Variants in DCP1A observed in about 807,000 individuals in gnomAD.
DCP1A encodes the protein decapping mRNA 1A, also known as mRNA-decapping enzyme 1A.
In DCP1A, 20 loss-of-function variants were observed where a neutral mutation model predicts 58.0. That is an observed-to-expected ratio of 0.34 (90% CI 0.24 to 0.50). DCP1A has a LOEUF of 0.50. Among genes scored for constraint, DCP1A ranks in the 20% least tolerant of loss-of-function variants. The probability of loss-of-function intolerance (pLI) is 0.98; values close to 1 mark genes in which losing one functional copy is unlikely to be tolerated. For synonymous variants in DCP1A, 285 were observed against 275.1 expected (o/e 1.04, Z -0.36); for missense variants, 613 against 712.2 (o/e 0.86, Z 1.59).
rs186062414 is a variant in DCP1A, at chr3:53,292,650, C to T, written c.802G>A (p.Ala268Thr). 1.0e-4 allele frequency: 164 copies of T among 1,613,600 alleles called. 2 individuals are homozygous for T. In the Admixed American group the frequency reaches 2.1e-3, roughly 20 times the overall value. ...ACACCCAGGGTTTCTGATTGAGGGG[C>T]TCCTCCTAACTGCTCAAAGGGAAAT... Reference protein sequence around the residue: ...LPFPFEQLGGAPQSETLGVPS... With the variant: ...LPFPFEQLGGTPQSETLGVPS... Residue 268 changes from alanine to threonine, a missense_variant, in exon 7 of 10, where the codon GCC (alanine) becomes ACC (threonine). Transcript: ENST00000610213.
At chr3:53,344,860 A>T in intron 2 of DCP1A, 42 bp downstream of exon 2, 1 of 1,438,980 alleles carries the variant, frequency 6.9e-7, no homozygotes, top group Non-Finnish European at 9.8e-7. Context: ...ATTGTTCACC[A>T]CTAGACTGTT....
At chr3:53,343,728 C>CA (rs2089251193) in intron 2 of DCP1A, among the ~76,000 whole-genome samples, 1 of 152,190 alleles carries the variant, frequency 6.6e-6, no homozygotes. Flanking sequence ...TCTCCTGCCT[C>CA]AGCCTCTCAA....
At position 53,285,434 on chromosome 3, in the gene DCP1A, T is replaced by G. The variant is rs1240640850; in HGVS notation, c.*2146A>C. ...TCCTGGTAATCATGACATGAACTTC[T>G]GGCTTCTGAATTTTAAGTAAATACT... On this transcript the variant is annotated 3_prime_UTR_variant, in exon 10 of 10. Transcript: ENST00000610213. 1 of 152,200 alleles carries G rather than the reference T, an allele frequency of 6.6e-6. No individual in the cohort carries two copies. Among genetic ancestry groups the G allele is most frequent in the Admixed American group, 6.5e-5 (1 of 15,282 alleles). 9.4% of individuals were successfully genotyped at this position (152,200 alleles called of 1,614,324 possible).
In DCP1A at chr3:53,292,053, A is replaced by G; in HGVS notation, c.1383+16T>C. ...ACAGTTACCCACTCTGCCCACCCCC[A>G]CCCTCCTGCCATTACCTGAAGGGGA... is the stretch of plus-strand genomic sequence containing the variant. On this transcript the variant is annotated intron_variant, in intron 7 of 9. Transcript: ENST00000610213. 1 of 1,448,894 alleles carries G rather than the reference A, an allele frequency of 6.9e-7. No individual in the cohort carries two copies. The highest frequency in any genetic ancestry group is 9.4e-7 in the Non-Finnish European group (1 of 1,068,804). The allele number at this position is 1,448,894 out of a possible 1,614,324, so 89.8% of individuals were successfully genotyped here.
At chr3:53,320,668 T>C (rs1284661289) in intron 3 of DCP1A, among the ~76,000 whole-genome samples, 1 of 152,182 alleles carries the variant, frequency 6.6e-6, no homozygotes, top group Non-Finnish European at 1.5e-5. Flanking sequence ...TTTTACAAAA[T>C]TATGGTATAC....
chr3:53,302,811 C>T (rs782622152), intron 6 of DCP1A, among the ~76,000 whole-genome samples: 6 of 152,048 alleles, frequency 3.9e-5, no homozygotes, highest in Non-Finnish European at 8.8e-5. Context: ...TTAGTAGAAA[C>T]GGGGTTTCGC....
At chr3:53,295,896 CTTT>C (rs112256781) in intron 6 of DCP1A, among the ~76,000 whole-genome samples, 6 of 144,298 alleles carry the variant, frequency 4.2e-5, no homozygotes, top group Admixed American at 2.1e-4. Flanking sequence ...ACCATGTGGT[CTTT>C]TTTTTTTTTT....
intron 3 of DCP1A, among the ~76,000 whole-genome samples, chr3:53,340,131 C>T (rs2089181649): frequency 6.6e-6 from 1 of 152,042 alleles, no homozygotes; most frequent in African/African-American, 2.4e-5. Context: ...TGACATGTTG[C>T]CCAGGCTGGT....
chr3:53,313,377 C>T (rs1575605817), intron 4 of DCP1A, among the ~76,000 whole-genome samples: 1 of 151,196 alleles, frequency 6.6e-6, no homozygotes, highest in East Asian at 1.9e-4. Context: ...TGAGATCACA[C>T]TACTGCACTC....
intron 8 of DCP1A, 33 bp downstream of exon 8, chr3:53,290,749 TAAAAAAAAA>T (rs61290855): frequency 1.2e-4 from 83 of 682,830 alleles, no homozygotes; most frequent in African/African-American, 2.6e-4. Flanking sequence ...CGACTAGTCT[TAAAAAAAAA>T]AAAAAAAAAA....
chr3:53,308,751 G>A (rs1002602793), intron 5 of DCP1A, among the ~76,000 whole-genome samples: 3 of 151,832 alleles, frequency 2.0e-5, no homozygotes, highest in Admixed American at 6.6e-5. Flanking sequence ...GTGCCACCAT[G>A]CCTAACTAAT....
intron 4 of DCP1A, among the ~76,000 whole-genome samples, chr3:53,316,300 GTCT>G (rs1245853751): frequency 7.9e-5 from 12 of 152,192 alleles, no homozygotes; most frequent in Non-Finnish European, 1.5e-5. Flanking sequence ...AAGACAGATA[GTCT>G]TCTTTAGTTT....
At chr3:53,297,886 CT>C (rs1462300483) in intron 6 of DCP1A, among the ~76,000 whole-genome samples, 3 of 152,168 alleles carry the variant, frequency 2.0e-5, no homozygotes, top group Non-Finnish European at 4.4e-5. Context: ...GCAATTTTTC[CT>C]TGTCCAGTGA....
intron 5 of DCP1A, among the ~76,000 whole-genome samples, chr3:53,305,425 C>T (rs533326084): frequency 1.3e-5 from 2 of 151,782 alleles, no homozygotes; most frequent in Non-Finnish European, 2.9e-5. Flanking sequence ...TCTCAGCTTA[C>T]TGTGCTCTCT....
intron 6 of DCP1A, among the ~76,000 whole-genome samples, chr3:53,295,247 T>TA (rs1284015948): frequency 6.6e-6 from 1 of 152,140 alleles, no homozygotes; most frequent in Non-Finnish European, 1.5e-5. Flanking sequence ...ATGTAGTCAG[T>TA]AAAAAGTAAC....
Position 53,347,521 on chromosome 3 carries a change from G to A in DCP1A, c.-4C>T, listed in dbSNP as rs782444667. On this transcript the variant is annotated 5_prime_UTR_variant, in exon 1 of 10. Transcript: ENST00000610213. The stretch of plus-strand genomic sequence containing the variant: ...CAGCTCGACTCAGCGCCTCCATCTT[G>A]AATCCCAGAGCCTAGCCCCTCTGGT... 2.0e-5 allele frequency: 32 copies of A among 1,609,364 alleles called. No homozygotes were observed. Among genetic ancestry groups the A allele is most frequent in the Non-Finnish European group, 2.7e-5 (32 of 1,177,740 alleles).
rs1468537378 is a variant in DCP1A, at chr3:53,285,519, G to A, written c.*2061C>T. 4 of 152,050 alleles carry A rather than the reference G, an allele frequency of 2.6e-5. No homozygotes were observed. Among genetic ancestry groups the A allele is most frequent in the Non-Finnish European group, 5.9e-5 (4 of 68,024 alleles). 9.4% of individuals were successfully genotyped at this position (152,050 alleles called of 1,614,324 possible). On this transcript the variant is annotated 3_prime_UTR_variant, in exon 10 of 10. Transcript: ENST00000610213. ...ACCCTTTTCAAGTCTCCATGACTTG[G>A]GCACTTAAGTTTACTTTCACACTAA...
At chr3:53,288,930 G>A (rs188222701) in intron 8 of DCP1A, among the ~76,000 whole-genome samples, 2 of 152,136 alleles carry the variant, frequency 1.3e-5, no homozygotes, top group Admixed American at 6.5e-5. Flanking sequence ...CATGAGAATC[G>A]CTTGAACCCA....
chr3:53,304,863 G>A (rs2106821420), intron 5 of DCP1A, among the ~76,000 whole-genome samples: 1 of 152,200 alleles, frequency 6.6e-6, no homozygotes, highest in East Asian at 1.9e-4. Flanking sequence ...GATTATGGGT[G>A]TGAGCCACTG....
Sources: allele counts gnomAD v4.1 joint callset (sites outside exome capture counted in the v4.1 genomes callset), GRCh38; gene constraint gnomAD v4.1.1; transcripts MANE v1.5; gene names NCBI Gene and HGNC (gene_info 2026-07-23, HGNC 2026-07-21).